The following DDOST variants were observed in gnomAD, a reference collection of about 807,000 sequenced individuals.
DDOST encodes the protein dolichyl-diphosphooligosaccharide--protein glycosyltransferase non-catalytic subunit, also known as dolichyl-diphosphooligosaccharide--protein glycosyltransferase 48 kDa subunit.
DDOST carries 25 observed loss-of-function variants against 47.6 expected under a neutral mutation model. The observed-to-expected ratio is 0.53, with a 90% CI of 0.38 to 0.73. DDOST has a LOEUF of 0.73. Among genes scored for constraint, DDOST ranks in the 30% least tolerant of loss-of-function variants. The probability of loss-of-function intolerance (pLI) is 0.00; values close to 1 mark genes in which losing one functional copy is unlikely to be tolerated. For missense variants in DDOST, 526 were observed against 573.9 expected (o/e 0.92, Z 0.85); for synonymous variants, 275 against 236.0 (o/e 1.17, Z -1.51).
chr1:20,656,438 C>G (rs1349957176), intron 2 of DDOST, among the ~76,000 whole-genome samples: 1 of 152,220 alleles, frequency 6.6e-6, no homozygotes, highest in Non-Finnish European at 1.5e-5. Context: ...AACAGTCAAA[C>G]ATCCACTAAT....
rs767417901 is a variant in DDOST, at chr1:20,660,932, A to G, written c.214T>C (p.Tyr72His). 2.5e-6 allele frequency: 4 copies of G among 1,613,788 alleles called. No homozygotes were observed. Among genetic ancestry groups the G allele is most frequent in the Middle Eastern group, 1.6e-4 (1 of 6,062 alleles). Residue 72 changes from tyrosine to histidine, a missense_variant, in exon 2 of 11, where the codon TAT becomes CAT. By Grantham distance (83) the Tyr-to-His change is moderately conservative (BLOSUM62 2). Coordinates refer to ENST00000602624, the MANE Select transcript of DDOST (RefSeq NM_005216.5). Reference sequence around the variant, plus strand: ...AGATTGTCATAGAGGAATTCCCCATACTTTATGAGAGACAGGCTGGGGTCA... The same window carrying G: ...AGATTGTCATAGAGGAATTCCCCATGCTTTATGAGAGACAGGCTGGGGTCA... ...ADDPSLSLIK[Y>H]GEFLYDNLII...
At chr1:20,654,896 G>A (rs1289857455) in intron 5 of DDOST, among the ~76,000 whole-genome samples, 189 bp from the exon 6 acceptor site, 4 of 152,118 alleles carry the variant, frequency 2.6e-5, no homozygotes, top group Non-Finnish European at 5.9e-5. Flanking sequence ...ACCTCGCTCT[G>A]CCACCTGGGC....
In DDOST at chr1:20,651,821, A is replaced by ATTTATTTC. The variant is rs2053290380; in HGVS notation, c.*557_*558insGAAATAAA. The ATTTATTTC allele has an allele frequency of 6.6e-6, 1 of 151,004 alleles. No homozygotes were observed. The allele number at this position is 151,004 out of a possible 1,614,324, so 9.4% of individuals were successfully genotyped here. A position where few individuals can be genotyped will look rare whatever the true frequency, so the allele number is the denominator to read the frequency against. On this transcript the variant is annotated 3_prime_UTR_variant, in exon 11 of 11. Coordinates refer to ENST00000602624, the MANE Select transcript of DDOST (RefSeq NM_005216.5). ...TTTATTTTTATTTATTTATTTATTT[A>ATTTATTTC]TTTATTTATTTATTTATATTTGAGA... is the stretch of plus-strand genomic sequence containing the variant.
chr1:20,660,021 G>C (rs1049562227), intron 2 of DDOST, among the ~76,000 whole-genome samples: 1 of 152,184 alleles, frequency 6.6e-6, no homozygotes, highest in African/African-American at 2.4e-5. Flanking sequence ...AGTCTTTTAA[G>C]AAAAAGATAA....
At chr1:20,658,589 T>C (rs2053401381) in intron 2 of DDOST, among the ~76,000 whole-genome samples, 2 of 152,252 alleles carry the variant, frequency 1.3e-5, no homozygotes, top group East Asian at 3.8e-4. Context: ...TTTTCAAGCT[T>C]TCTCCATCAA....
At position 20,652,831 on chromosome 1, in the gene DDOST, C is replaced by T. The variant is rs751853015; in HGVS notation, c.1063+20G>A. Reference sequence around the variant, plus strand: ...CTGGGGCCGTTTCTGGCAGCATCCTCGTGCAGGAACTACACTCACCTTTCT... The same window carrying T: ...CTGGGGCCGTTTCTGGCAGCATCCTTGTGCAGGAACTACACTCACCTTTCT... On this transcript the variant is annotated intron_variant, in intron 9 of 10. Transcript: ENST00000602624. 1.1e-5 allele frequency: 18 copies of T among 1,613,958 alleles called. No homozygotes were observed. In the Admixed American group the frequency reaches 1.2e-4, roughly 10 times the overall value.
chr1:20,661,057 C>A lies in DDOST; in HGVS notation c.155-66G>T, dbSNP rs968009641. ...GAAGGGAAACCCCTGCTGCAGACATCGCGGACCCGCACGCCAAGCGGCAGG... is the reference window on the plus strand; with the variant it reads ...GAAGGGAAACCCCTGCTGCAGACATAGCGGACCCGCACGCCAAGCGGCAGG... On this transcript the variant is annotated intron_variant, in intron 1 of 10. Transcript: ENST00000602624. 2.0e-6 allele frequency: 3 copies of A among 1,479,120 alleles called. No homozygotes were observed. In the African/African-American group the frequency reaches 4.2e-5, roughly 21 times the overall value. The allele number at this position is 1,479,120 out of a possible 1,614,324, so 91.6% of individuals were successfully genotyped here.
chr1:20,656,239 T>G (rs1267972417), intron 2 of DDOST, 52 bp from the exon 3 acceptor site: 2 of 1,424,522 alleles, frequency 1.4e-6, no homozygotes, highest in Admixed American at 1.7e-5. Context: ...TCCCTGCTCC[T>G]CTGACACTGG....
chr1:20,655,131 A>G (rs992116856), intron 5 of DDOST, among the ~76,000 whole-genome samples: 6 of 147,178 alleles, frequency 4.1e-5, no homozygotes, highest in Admixed American at 2.0e-4. Context: ...AAGTGCTGGG[A>G]TTACAGGTGT....
chr1:20,653,110 G>A (rs1159216013), intron 8 of DDOST, 139 bp from the exon 9 acceptor site: 8 of 978,884 alleles, frequency 8.2e-6, no homozygotes, highest in South Asian at 4.7e-5. Context: ...AGATGCCCCT[G>A]CCACCCGGCC....
At chr1:20,659,345 C>T (rs2053411812) in intron 2 of DDOST, among the ~76,000 whole-genome samples, 1 of 152,126 alleles carries the variant, frequency 6.6e-6, no homozygotes, top group African/African-American at 2.4e-5. Flanking sequence ...CTCTCCCGAG[C>T]AGTCTCATTC....
intron 3 of DDOST, 84 bp downstream of exon 3, chr1:20,656,017 T>G (rs2154534294): frequency 7.5e-6 from 9 of 1,208,040 alleles, no homozygotes; most frequent in Non-Finnish European, 1.1e-5. Flanking sequence ...ACCCAGTGAA[T>G]GCTAATTTGG....
chr1:20,657,132 C>T (rs9662033), intron 2 of DDOST, among the ~76,000 whole-genome samples: 29,035 of 152,164 alleles, frequency 0.19, 2,856 homozygotes, highest in Non-Finnish European at 0.2. Context: ...ATTCCCAGCA[C>T]AGTGAACACC....
Position 20,661,361 on chromosome 1 carries a change from C to T in DDOST, c.-11G>A. On this transcript the variant is annotated 5_prime_UTR_variant, in exon 1 of 11. Coordinates refer to ENST00000602624, the MANE Select transcript of DDOST (RefSeq NM_005216.5). ...GGTGCTGGGCTCCATCTTCCTCCTC[C>T]TGCCGAAGGACCCAGCACGTGCACA... is the stretch of plus-strand genomic sequence containing the variant. 6.2e-7 allele frequency: 1 copy of T among 1,612,908 alleles called. No homozygotes were observed. The highest frequency in any genetic ancestry group is 8.5e-7 in the Non-Finnish European group (1 of 1,179,788).
chr1:20,652,429 TGAA>T lies in DDOST; in HGVS notation c.1267_1269del (p.Phe423del). The stretch of plus-strand genomic sequence containing the variant: ...ATGTGCAAGAAGACGATGCTGAAGA[TGAA>T]GAGCCCCAGCATCATGGAGAAGGCG... On this transcript the variant is annotated inframe_deletion, in exon 11 of 11. Transcript: ENST00000602624. The T allele has an allele frequency of 6.2e-7, 1 of 1,613,894 alleles. No individual in the cohort carries two copies. Among genetic ancestry groups the T allele is most frequent in the South Asian group, 1.1e-5 (1 of 91,078 alleles).
chr1:20,659,741 A>C (rs1317916360), intron 2 of DDOST, among the ~76,000 whole-genome samples: 1 of 152,170 alleles, frequency 6.6e-6, no homozygotes, highest in Non-Finnish European at 1.5e-5. Context: ...TACTTGAGGG[A>C]TTCGGTGGAA....
At chr1:20,656,282 G>A (rs1037720934) in intron 2 of DDOST, 95 bp from the exon 3 acceptor site, 9 of 936,872 alleles carry the variant, frequency 9.6e-6, no homozygotes, top group African/African-American at 1.6e-5. Context: ...GAGCAGCCAC[G>A]ATCACTCACA....
rs138061134 is a variant in DDOST at position 20,654,241 on chromosome 1, G to A, written c.776C>T (p.Ala259Val). The A allele has an allele frequency of 1.6e-3, 2,454 of 1,550,972 alleles. 21 individuals are homozygous for A. The highest frequency in any genetic ancestry group is 0.012 in the East Asian group (471 of 40,946). Reference sequence around the variant, plus strand: ...CAGCTACCTCTGGGAGCCGGGCGCCGCCTTCTGCACTGCTGAGTTGAAGAA... The same window carrying A: ...CAGCTACCTCTGGGAGCCGGGCGCCACCTTCTGCACTGCTGAGTTGAAGAA... ...DSFFNSAVQK[A>V]APGSQRYSQT... The change falls in exon 7 of 11, where the codon GCG becomes GTG. Residue 259 changes from alanine (A) to valine (V), a missense_variant. Physicochemically the swap from Ala to Val is moderately conservative, Grantham distance 64. Transcript: ENST00000602624.
intron 4 of DDOST, 28 bp from the exon 5 acceptor site, chr1:20,655,562 G>A (rs1281462584): frequency 2.5e-6 from 4 of 1,608,646 alleles, no homozygotes; most frequent in African/African-American, 2.7e-5. Flanking sequence ...AAAGGTGGGT[G>A]GTCAGGAAAA....
Sources: gnomAD v4.1 joint callset for allele counts (sites outside exome capture counted in the v4.1 genomes callset) on GRCh38, gnomAD v4.1.1 for gene constraint, MANE v1.5 for transcripts, NCBI Gene and HGNC (gene_info 2026-07-23, HGNC 2026-07-21) for gene names.